Variants in PAFAH1B2 observed in about 807,000 individuals in gnomAD.
The protein encoded by PAFAH1B2 is platelet-activating factor acetylhydrolase IB subunit alpha2.
PAFAH1B2 carries 8 observed loss-of-function variants against 28.0 expected under a neutral mutation model. The ratio of observed to expected loss-of-function variants is 0.29; its 90% CI spans 0.17 to 0.52. PAFAH1B2 has a LOEUF of 0.52. Among genes scored for constraint, PAFAH1B2 ranks in the 20% least tolerant of loss-of-function variants. The pLI, the probability that PAFAH1B2 is intolerant of heterozygous loss-of-function variation, is 0.97. For missense variants in PAFAH1B2, 190 were observed against 282.6 expected (o/e 0.67, Z 2.35); for synonymous variants, 104 against 103.2 (o/e 1.01, Z -0.05).
Position 117,169,616 on chromosome 11 carries a change from C to A in PAFAH1B2, c.*1917C>A. ...TTTTGTTCTTTTTAAAAAATACATA[C>A]TTTTTTGAATGTATCATGTCTTCAT... On this transcript the variant is annotated 3_prime_UTR_variant, in exon 6 of 6. Transcript: ENST00000527958. The A allele has an allele frequency of 9.5e-7, 1 of 1,049,926 alleles. No homozygotes were observed. The highest frequency in any genetic ancestry group is 1.2e-6 in the Non-Finnish European group (1 of 868,570). 65.0% of individuals were successfully genotyped at this position (1,049,926 alleles called of 1,614,324 possible). A position where few individuals can be genotyped will look rare whatever the true frequency, so the allele number is the denominator to read the frequency against.
At position 117,167,693 on chromosome 11, in the gene PAFAH1B2, T is replaced by G. The variant is rs1386788131; in HGVS notation, c.684T>G (p.Ile228Met). The G allele has an allele frequency of 2.6e-6, 4 of 1,546,622 alleles. No individual in the cohort carries two copies. The African/African-American group carries it at 5.4e-5, about 21-fold the overall frequency. The change falls in exon 6 of 6, where the codon ATT becomes ATG. Residue 228 changes from isoleucine (I) to methionine (M), a missense_variant. Physicochemically the swap from Ile to Met is conservative, Grantham distance 10. Transcript: ENST00000527958. ...EETPEEKQTT[I>M]A is the part of the protein sequence containing the mutation. ...CACCTGAGGAGAAACAAACCACCAT[T>G]GCCTGACTGGCTCTTATCAGTGTTA...
At chr11:117,152,401 C>T (rs377096291) in intron 1 of PAFAH1B2, 40 bp from the exon 2 acceptor site, 4 of 1,213,018 alleles carry the variant, frequency 3.3e-6, no homozygotes, top group African/African-American at 1.5e-5. Flanking sequence ...ACAAACCTTC[C>T]TGTTAACAAA....
intron 2 of PAFAH1B2, among the ~76,000 whole-genome samples, chr11:117,153,157 A>G (rs1360110560): frequency 1.3e-5 from 2 of 152,256 alleles, no homozygotes; most frequent in East Asian, 1.9e-4. Context: ...AGAATTTGTT[A>G]CTGTAAGTAA....
At chr11:117,160,061 C>G in intron 3 of PAFAH1B2, 38 bp downstream of exon 3, 1 of 1,311,126 alleles carries the variant, frequency 7.6e-7, no homozygotes, top group Non-Finnish European at 1.1e-6. Flanking sequence ...CTTGGCTACT[C>G]ATGTATATCC....
Position 117,168,445 on chromosome 11 carries a change from C to CCCTTTTTTTTTT in PAFAH1B2, c.*746_*747insCCTTTTTTTTTT, listed in dbSNP as rs1565274998. 1 of 352,464 alleles carries CCCTTTTTTTTTT rather than the reference C, an allele frequency of 2.8e-6. No individual in the cohort carries two copies. The highest frequency in any genetic ancestry group is 3.4e-6 in the Non-Finnish European group (1 of 291,822). The allele number at this position is 352,464 out of a possible 1,614,324, so 21.8% of individuals were successfully genotyped here. A position where few individuals can be genotyped will look rare whatever the true frequency, so the allele number is the denominator to read the frequency against. ...TTCCCCTTCATTCCCCCCGCCACCC[C>CCCTTTTTTTTTT]GTTTTTTTTTTTTTTTTTTTTTTTT... On this transcript the variant is annotated 3_prime_UTR_variant, in exon 6 of 6. Transcript: ENST00000527958.
At chr11:117,152,705 A>G (rs919413159) in intron 2 of PAFAH1B2, among the ~76,000 whole-genome samples, 177 bp downstream of exon 2, 4 of 152,212 alleles carry the variant, frequency 2.6e-5, no homozygotes, top group African/African-American at 9.6e-5. Flanking sequence ...GGCACATATC[A>G]GTATGCCTGG....
chr11:117,160,285 A>G (rs1162314143), intron 3 of PAFAH1B2, among the ~76,000 whole-genome samples: 1 of 151,960 alleles, frequency 6.6e-6, no homozygotes, highest in Non-Finnish European at 1.5e-5. Flanking sequence ...ATTTGTTTAT[A>G]TTTGCTCTAC....
downstream of PAFAH1B2, chr11:117,175,475 CCT>C: frequency 9.2e-7 from 1 of 1,083,488 alleles, no homozygotes; most frequent in Non-Finnish European, 1.1e-6. Flanking sequence ...GACGCAGGGT[CCT>C]GACGATTCAA....
chr11:117,144,690 G>T (rs1565256836), intron 1 of PAFAH1B2, among the ~76,000 whole-genome samples: 1 of 152,090 alleles, frequency 6.6e-6, no homozygotes, highest in Non-Finnish European at 1.5e-5. Flanking sequence ...CTCCTCAGCC[G>T]CCGGCCGGCG....
Position 117,168,399 on chromosome 11 carries a change from T to C in PAFAH1B2, c.*700T>C. On this transcript the variant is annotated 3_prime_UTR_variant, in exon 6 of 6. Transcript: ENST00000527958. ...ACCCGTGCATGCAGCCTTTCCTCCT[T>C]ATTCCCCTTCATGCCCCCCTTTCCC... is the stretch of plus-strand genomic sequence containing the variant. The C allele has an allele frequency of 9.6e-7, 1 of 1,046,210 alleles. No homozygotes were observed. The allele number at this position is 1,046,210 out of a possible 1,614,324, so 64.8% of individuals were successfully genotyped here.
At chr11:117,152,888 T>C (rs866909353) in intron 2 of PAFAH1B2, among the ~76,000 whole-genome samples, 2 of 152,112 alleles carry the variant, frequency 1.3e-5, no homozygotes, top group Non-Finnish European at 2.9e-5. Flanking sequence ...CTGGCCAATA[T>C]GGTGAAACCC....
downstream of PAFAH1B2, chr11:117,174,770 ACCTGACCTAATTTT>A (rs1956744044): frequency 1.8e-6 from 1 of 563,648 alleles, no homozygotes. Flanking sequence ...GAGCCACTGC[ACCTGACCTAATTTT>A]CTGTATTTTT....
chr11:117,154,486 C>T (rs1310211591), intron 2 of PAFAH1B2, among the ~76,000 whole-genome samples: 1 of 152,110 alleles, frequency 6.6e-6, no homozygotes, highest in Non-Finnish European at 1.5e-5. Context: ...GGCACCATTA[C>T]AGCTTGCACC....
At chr11:117,157,377 T>C (rs991671279) in intron 2 of PAFAH1B2, among the ~76,000 whole-genome samples, 34 of 151,972 alleles carry the variant, frequency 2.2e-4, no homozygotes, top group Admixed American at 2.1e-3. Context: ...CCTGAGCTCA[T>C]GTGATCTGCT....
chr11:117,174,715 T>G (rs112111936), downstream of PAFAH1B2, among the ~76,000 whole-genome samples: 10,699 of 152,210 alleles, frequency 0.07, 524 homozygotes, highest in Admixed American at 0.13. Flanking sequence ...TGATCTCAGG[T>G]GATCCGTCCA....
intron 5 of PAFAH1B2, 168 bp downstream of exon 5, chr11:117,164,060 A>G: frequency 1.5e-6 from 1 of 647,788 alleles, no homozygotes; most frequent in Non-Finnish European, 2.6e-6. Flanking sequence ...TGGTTTCATC[A>G]TTCCCCATAC....
Position 117,168,100 on chromosome 11 carries a change from A to G in PAFAH1B2, c.*401A>G. The stretch of plus-strand genomic sequence containing the variant: ...ATCAGAATCATTCTACTTGGCTTTA[A>G]AACATGTTTTCTCCAATTTTTTTAA... On this transcript the variant is annotated 3_prime_UTR_variant, in exon 6 of 6. Coordinates refer to ENST00000527958, the MANE Select transcript of PAFAH1B2 (RefSeq NM_002572.4). The G allele has an allele frequency of 2.8e-6, 3 of 1,057,346 alleles. No homozygotes were observed. Among genetic ancestry groups the G allele is most frequent in the African/African-American group, 1.6e-5 (1 of 60,886 alleles). 65.5% of individuals were successfully genotyped at this position (1,057,346 alleles called of 1,614,324 possible). A position where few individuals can be genotyped will look rare whatever the true frequency, so the allele number is the denominator to read the frequency against.
intron 4 of PAFAH1B2, 69 bp downstream of exon 4, chr11:117,161,330 CTG>C: frequency 2.0e-6 from 2 of 1,013,736 alleles, no homozygotes; most frequent in Non-Finnish European, 2.9e-6. Context: ...TTGTCTGAAA[CTG>C]TAAAAAAAAA....
At chr11:117,159,691 C>A (rs112653892) in intron 2 of PAFAH1B2, 2 of 401,278 alleles carry the variant, frequency 5.0e-6, no homozygotes, top group Non-Finnish European at 9.1e-6. Flanking sequence ...GCCAAGATCA[C>A]GCCACTGTAC....
Sources: allele counts gnomAD v4.1 joint callset (sites outside exome capture counted in the v4.1 genomes callset), GRCh38; gene constraint gnomAD v4.1.1; transcripts MANE v1.5; gene names NCBI Gene and HGNC (gene_info 2026-07-23, HGNC 2026-07-21).